NMT2: variants seen among roughly 807,000 people sequenced by gnomAD.
The protein encoded by NMT2 is glycylpeptide N-tetradecanoyltransferase 2.
In NMT2, 35 loss-of-function variants were observed where a neutral mutation model predicts 65.4. The observed-to-expected ratio is 0.54, with a 90% confidence interval of 0.41 to 0.71. NMT2 has a LOEUF of 0.71. Among genes scored for constraint, NMT2 ranks in the 30% least tolerant of loss-of-function variants. The pLI is 0.00. For synonymous variants in NMT2, 226 were observed against 231.8 expected (o/e 0.98, Z 0.23); for missense variants, 489 against 611.3 (o/e 0.80, Z 2.11).
intron 8 of NMT2, among the ~76,000 whole-genome samples, chr10:15,126,428 TA>T (rs542212016): frequency 0.044 from 5,798 of 130,360 alleles, 159 homozygotes; most frequent in African/African-American, 0.091. Context: ...GCCTCCATCT[TA>T]AAAAAAAAAA....
At chr10:15,154,870 TG>T (rs1564588969) in intron 1 of NMT2, 1 of 802,970 alleles carries the variant, frequency 1.2e-6, no homozygotes, top group African/African-American at 1.7e-5. Context: ...TAGCGCTTCA[TG>T]GCCTCCACAA....
chr10:15,153,712 C>T (rs528426165), intron 1 of NMT2, among the ~76,000 whole-genome samples: 55 of 151,932 alleles, frequency 3.6e-4, no homozygotes, highest in African/African-American at 1.3e-3. Flanking sequence ...GTGCAGTGGC[C>T]AATCTCGGCT....
intron 1 of NMT2, chr10:15,155,241 T>C: frequency 6.7e-7 from 1 of 1,501,578 alleles, no homozygotes; most frequent in Non-Finnish European, 9.3e-7. Flanking sequence ...TGGAAACTTG[T>C]CTGCAAACAG....
chr10:15,110,571 G>C (rs1845477562), intron 10 of NMT2, among the ~76,000 whole-genome samples: 1 of 152,190 alleles, frequency 6.6e-6, no homozygotes, highest in Admixed American at 6.5e-5. Context: ...AAGAGGTCGA[G>C]GCTGCAGTGA....
At chr10:15,166,567 A>G (rs1833383880) in intron 1 of NMT2, among the ~76,000 whole-genome samples, 1 of 152,174 alleles carries the variant, frequency 6.6e-6, no homozygotes, top group Admixed American at 6.5e-5. Flanking sequence ...ATCCAAGGAG[A>G]GCAGTCATTT....
chr10:15,125,411 C>T (rs1320384168), intron 8 of NMT2, among the ~76,000 whole-genome samples: 1 of 152,142 alleles, frequency 6.6e-6, no homozygotes, highest in African/African-American at 2.4e-5. Flanking sequence ...GGAGTCAAGT[C>T]AAAAATAGCT....
chr10:15,166,609 G>C (rs1365841089), intron 1 of NMT2, among the ~76,000 whole-genome samples: 1 of 152,142 alleles, frequency 6.6e-6, no homozygotes, highest in Non-Finnish European at 1.5e-5. Flanking sequence ...CATTTAAATA[G>C]AGTACAATAC....
At chr10:15,154,852 T>G (rs774840825) in intron 1 of NMT2, 4 of 784,830 alleles carry the variant, frequency 5.1e-6, no homozygotes, top group Non-Finnish European at 8.9e-6. Flanking sequence ...TTGCCATTCT[T>G]GGACCCATAG....
intron 2 of NMT2, among the ~76,000 whole-genome samples, chr10:15,137,450 G>A (rs932133088): frequency 1.3e-5 from 2 of 151,946 alleles, no homozygotes; most frequent in Non-Finnish European, 2.9e-5. Flanking sequence ...TATATCTTTG[G>A]ATGACTTCTT....
Position 15,135,415 on chromosome 10 carries a change from G to A in NMT2, c.250C>T (p.Pro84Ser), listed in dbSNP as rs1333352963. 2 of 1,613,914 alleles carry A rather than the reference G, an allele frequency of 1.2e-6. No individual in the cohort carries two copies. The highest frequency in any genetic ancestry group is 2.2e-5 in the East Asian group (1 of 44,872). ...TGCAACTTCTGCATTGGAACACTGG[G>A]ATTCTACGACAGCAAAGACAGACAC... The part of the protein sequence containing the change: ...EIKIQQPSKN[P>S]SVPMQKLQDI... The change falls in exon 3 of 12, where the codon CCC becomes TCC. Residue 84 changes from proline to serine, a missense_variant. Coordinates refer to ENST00000378165, the MANE Select transcript of NMT2 (RefSeq NM_004808.3).
At chr10:15,158,924 C>G (rs1016360806) in intron 1 of NMT2, among the ~76,000 whole-genome samples, 2 of 152,102 alleles carry the variant, frequency 1.3e-5, no homozygotes, top group African/African-American at 4.8e-5. Context: ...TATTTACCCC[C>G]CAAAGGTGCC....
At chr10:15,136,465 A>G (rs917146528) in intron 2 of NMT2, among the ~76,000 whole-genome samples, 9 of 148,610 alleles carry the variant, frequency 6.1e-5, no homozygotes, top group African/African-American at 2.2e-4. Flanking sequence ...GGAGGGAGAG[A>G]GGGAGGAAAG....
Position 15,127,061 on chromosome 10 carries a change from G to A in NMT2, c.999+1289C>T, listed in dbSNP as rs568244063. Among the ~76,000 whole-genome samples, 72 of 144,680 alleles carry A rather than the reference G, an allele frequency of 5.0e-4. 2 individuals carry two copies. In the South Asian group the frequency reaches 0.015, roughly 29 times the overall value. The allele number at this position is 144,680 out of a possible 152,430, so 94.9% of individuals were successfully genotyped here. On this transcript the variant is annotated intron_variant, in intron 8 of 11. Transcript: ENST00000378165. ...GCCTGGCCAACATGGTGAAACCCCCGCCATCTCTACTAAAAATACAAAAAT... is the reference window on the plus strand; with the variant it reads ...GCCTGGCCAACATGGTGAAACCCCCACCATCTCTACTAAAAATACAAAAAT...
At position 15,108,622 on chromosome 10, in the gene NMT2, C is replaced by G. The variant is rs1406318006; in HGVS notation, c.*573G>C. Reference sequence around the variant, plus strand: ...CTCTGCTTATGGAGAAATACATGTACTAGTCACCAGTACATTTTAATATTG... The same window carrying G: ...CTCTGCTTATGGAGAAATACATGTAGTAGTCACCAGTACATTTTAATATTG... On this transcript the variant is annotated 3_prime_UTR_variant, in exon 12 of 12. Coordinates refer to ENST00000378165, the MANE Select transcript of NMT2 (RefSeq NM_004808.3). 1.4e-5 allele frequency: 14 copies of G among 986,622 alleles called. No individual in the cohort carries two copies. The highest frequency in any genetic ancestry group is 3.5e-5 in the African/African-American group (2 of 57,256). 61.1% of individuals were successfully genotyped at this position (986,622 alleles called of 1,614,324 possible).
At chr10:15,168,479 G>T (rs1294093188) in intron 1 of NMT2, 24 bp downstream of exon 1, 5 of 1,551,120 alleles carry the variant, frequency 3.2e-6, no homozygotes, top group Non-Finnish European at 4.4e-6. Flanking sequence ...TGTCGCGCCC[G>T]GTGCGCCAGC....
At chr10:15,138,566 G>T (rs893673401) in intron 2 of NMT2, 1 of 444,140 alleles carries the variant, frequency 2.3e-6, no homozygotes, top group Non-Finnish European at 4.7e-6. Flanking sequence ...GCTTTCTGTG[G>T]CATACTAACC....
chr10:15,124,554 TACAA>T (rs1242715256), intron 8 of NMT2, among the ~76,000 whole-genome samples: 1 of 152,252 alleles, frequency 6.6e-6, no homozygotes, highest in Non-Finnish European at 1.5e-5. Flanking sequence ...CTGGCACTCC[TACAA>T]GCAAAAAGAG....
chr10:15,112,013 C>T (rs1845535167), intron 10 of NMT2, among the ~76,000 whole-genome samples: 1 of 149,978 alleles, frequency 6.7e-6, no homozygotes. Context: ...AGGGTTTCAC[C>T]ATGTAGACTG....
At chr10:15,146,576 T>C (rs1846971361) in intron 1 of NMT2, among the ~76,000 whole-genome samples, 1 of 152,182 alleles carries the variant, frequency 6.6e-6, no homozygotes, top group Non-Finnish European at 1.5e-5. Flanking sequence ...TTGTGCTGTC[T>C]GGATGCAGAC....
Sources: gnomAD v4.1 joint callset for allele counts (sites outside exome capture counted in the v4.1 genomes callset) on GRCh38, gnomAD v4.1.1 for gene constraint, MANE v1.5 for transcripts, NCBI Gene and HGNC (gene_info 2026-07-23, HGNC 2026-07-21) for gene names.